The following CEP95 variants were observed in gnomAD, a reference collection of about 807,000 sequenced individuals.
CEP95 encodes centrosomal protein of 95 kDa.
CEP95 carries 98 observed loss-of-function variants against 111.2 expected under a neutral mutation model. That is an observed-to-expected ratio of 0.88 (90% CI 0.75 to 1.04). CEP95 has a LOEUF of 1.04. Among genes scored for constraint, CEP95 ranks in the 50% least tolerant of loss-of-function variants. CEP95 has a pLI of 0.00. For missense variants in CEP95, 1,027 were observed against 977.2 expected (o/e 1.05, Z -0.68); for synonymous variants, 323 against 327.1 (o/e 0.99, Z 0.14).
intron 8 of CEP95, among the ~76,000 whole-genome samples, chr17:64,524,079 T>A (rs1207133210): frequency 6.6e-6 from 1 of 151,940 alleles, no homozygotes; most frequent in Non-Finnish European, 1.5e-5. Context: ...AGGAGAGGGA[T>A]TAGATAAAAA....
At chr17:64,509,796 C>T (rs1555674206) in intron 2 of CEP95, among the ~76,000 whole-genome samples, 1 of 151,788 alleles carries the variant, frequency 6.6e-6, no homozygotes. Context: ...GTTAAAGTAT[C>T]ATGTCTTGGC....
intron 15 of CEP95, 43 bp downstream of exon 15, chr17:64,533,051 G>T: frequency 2.5e-6 from 4 of 1,604,386 alleles, no homozygotes; most frequent in East Asian, 2.2e-5. Flanking sequence ...TAAATGAGAA[G>T]AGCTTATCCT....
At chr17:64,511,644 G>A (rs1000114761) in intron 3 of CEP95, among the ~76,000 whole-genome samples, 7 of 152,042 alleles carry the variant, frequency 4.6e-5, no homozygotes, top group East Asian at 3.9e-4. Context: ...CAATTATCAC[G>A]TGGTCCTGAG....
At chr17:64,510,431 G>A (rs1474829414) in intron 3 of CEP95, among the ~76,000 whole-genome samples, 151 bp downstream of exon 3, 1 of 152,220 alleles carries the variant, frequency 6.6e-6, no homozygotes, top group Non-Finnish European at 1.5e-5. Flanking sequence ...TAGAGGTCAG[G>A]TCCATACATG....
Position 64,532,181 on chromosome 17 carries a change from G to A in CEP95, c.1672+159G>A, listed in dbSNP as rs76689933. The A allele has an allele frequency of 1.6e-3, 2,094 of 1,316,352 alleles. 24 individuals carry two copies. In the African/African-American group the frequency reaches 0.028, roughly 18 times the overall value. The allele number at this position is 1,316,352 out of a possible 1,614,324, so 81.5% of individuals were successfully genotyped here. A position where few individuals can be genotyped will look rare whatever the true frequency, so the allele number is the denominator to read the frequency against. On this transcript the variant is annotated intron_variant, in intron 14 of 19. Coordinates refer to ENST00000556440, the MANE Select transcript of CEP95 (RefSeq NM_138363.3). The stretch of plus-strand genomic sequence containing the variant: ...GCCATGTGGCTGGTTTTCCGTAGAG[G>A]GCTAAAACTCTTCAATAAGGAAGTA...
rs1555680373 is a variant in CEP95, at chr17:64,531,877, A to G, written c.1540-13A>G. Reference sequence around the variant, plus strand: ...ACCTTTTATTTTTATTCTGTTTTATATCTGCTTCTAAGGAAAAAATATACA... The same window carrying G: ...ACCTTTTATTTTTATTCTGTTTTATGTCTGCTTCTAAGGAAAAAATATACA... On this transcript the variant is annotated splice_polypyrimidine_tract_variant and intron_variant, in intron 13 of 19. Transcript: ENST00000556440. 1.3e-6 allele frequency: 2 copies of G among 1,533,738 alleles called. No homozygotes were observed. The highest frequency in any genetic ancestry group is 1.7e-6 in the Non-Finnish European group (2 of 1,143,248).
intron 5 of CEP95, among the ~76,000 whole-genome samples, chr17:64,518,285 ATAT>A (rs1967031167): frequency 6.6e-6 from 1 of 152,216 alleles, no homozygotes; most frequent in South Asian, 2.1e-4. Flanking sequence ...GTTTTTTTAA[ATAT>A]TATCAAAAAC....
chr17:64,533,414 G>A (rs782190322), intron 16 of CEP95, among the ~76,000 whole-genome samples: 2 of 152,062 alleles, frequency 1.3e-5, no homozygotes, highest in Non-Finnish European at 2.9e-5. Context: ...CAGCAACATA[G>A]TGGGACCCTG....
rs1555681604 is a variant in CEP95, at chr17:64,536,688, T to A, written c.2157T>A (p.Asp719Glu). 6.2e-7 allele frequency: 1 copy of A among 1,613,256 alleles called. No homozygotes were observed. The highest frequency in any genetic ancestry group is 1.3e-5 in the African/African-American group (1 of 74,936). ...DLRNYAKEKR[D>E]EQRRRHQDEL... The stretch of plus-strand genomic sequence containing the variant: ...GAAACTATGCCAAAGAAAAGCGAGA[T>A]GAACAAAGGAGACGCCACCAGGATG... Residue 719 changes from aspartate (D) to glutamate (E), a missense_variant, in exon 18 of 20, where the codon GAT (aspartate) becomes GAA (glutamate). Coordinates refer to ENST00000556440, the MANE Select transcript of CEP95 (RefSeq NM_138363.3).
chr17:64,536,006 T>C (rs1194794434), intron 17 of CEP95: 2 of 152,118 alleles, frequency 1.3e-5, no homozygotes, highest in Admixed American at 1.3e-4. Context: ...GTCCAGAATA[T>C]GCAAATCCAT....
intron 16 of CEP95, chr17:64,534,202 A>G (rs564636364): frequency 1.4e-4 from 28 of 201,082 alleles, no homozygotes; most frequent in African/African-American, 6.1e-4. Flanking sequence ...GATACTGTCT[A>G]ATTTCCTTAG....
At chr17:64,534,821 G>C (rs890267612) in intron 17 of CEP95, 84 bp downstream of exon 17, 5 of 1,492,552 alleles carry the variant, frequency 3.3e-6, no homozygotes, top group Non-Finnish European at 4.6e-6. Context: ...CGTGACTCTT[G>C]TCCAAATTTG....
intron 19 of CEP95, 125 bp downstream of exon 19, chr17:64,537,237 ACT>A (rs1968721990): frequency 3.4e-6 from 5 of 1,467,196 alleles, no homozygotes; most frequent in South Asian, 1.4e-5. Context: ...AGTGGACTGT[ACT>A]CTCTAGGTTT....
intron 9 of CEP95, 39 bp downstream of exon 9, chr17:64,525,921 A>G (rs1224260285): frequency 1.3e-6 from 2 of 1,502,892 alleles, no homozygotes; most frequent in Non-Finnish European, 1.8e-6. Context: ...CAGTCTGTTT[A>G]CAAAGGAATT....
At position 64,537,918 on chromosome 17, in the gene CEP95, AT is replaced by A; in HGVS notation, c.*145del. The A allele has an allele frequency of 2.2e-6, 1 of 458,866 alleles. No homozygotes were observed. Among genetic ancestry groups the A allele is most frequent in the Non-Finnish European group, 3.6e-6 (1 of 278,306 alleles). The allele number at this position is 458,866 out of a possible 1,614,324, so 28.4% of individuals were successfully genotyped here. ...TATTTTCATTCCAGTACTTTTTATG[AT>A]TTTTTAAATAAAAATTGTTTTCTAA... On this transcript the variant is annotated 3_prime_UTR_variant, in exon 20 of 20. Coordinates refer to ENST00000556440, the MANE Select transcript of CEP95 (RefSeq NM_138363.3).
intron 11 of CEP95, among the ~76,000 whole-genome samples, chr17:64,528,160 G>A (rs1968006495): frequency 6.6e-6 from 1 of 152,052 alleles, no homozygotes; most frequent in Non-Finnish European, 1.5e-5. Context: ...TCTACTGTTT[G>A]ATATGCCATT....
rs1555679848 is a variant in CEP95, at chr17:64,529,442, C to T, written c.1446+15C>T. 1 of 1,612,782 alleles carries T rather than the reference C, an allele frequency of 6.2e-7. No individual in the cohort carries two copies. The highest frequency in any genetic ancestry group is 8.5e-7 in the Non-Finnish European group (1 of 1,179,220). On this transcript the variant is annotated intron_variant, in intron 12 of 19. Transcript: ENST00000556440. The stretch of plus-strand genomic sequence containing the variant: ...TCCAAGCACAGGTTCTTCCCCATCT[C>T]TTGACTACCATTAAGCAGCAGCCAG...
At chr17:64,508,468 CCTTAT>C (rs1276341683) in intron 1 of CEP95, 119 bp from the exon 2 acceptor site, 1 of 1,184,068 alleles carries the variant, frequency 8.4e-7, no homozygotes. Context: ...CAATCAAATT[CCTTAT>C]CTTCTGCAAA....
At chr17:64,507,374 A>G (rs1399702345) in intron 1 of CEP95, 2 of 1,403,924 alleles carry the variant, frequency 1.4e-6, no homozygotes, top group African/African-American at 2.9e-5. Flanking sequence ...CCTGGCTGTA[A>G]AAAGAGCGGT....
Sources: allele counts gnomAD v4.1 joint callset (sites outside exome capture counted in the v4.1 genomes callset), GRCh38; gene constraint gnomAD v4.1.1; transcripts MANE v1.5; gene names NCBI Gene and HGNC (gene_info 2026-07-23, HGNC 2026-07-21).